The following LOC128706666 variants were observed in gnomAD, a reference collection of about 807,000 sequenced individuals.
the LOC128706666 span, among the ~76,000 whole-genome samples, chr20:10,431,119 C>T: frequency 6.6e-6 from 1 of 152,062 alleles, no homozygotes; most frequent in Non-Finnish European, 1.5e-5. Context: ...TACACGGCAG[C>T]CATTACTTTT....
the LOC128706666 span, among the ~76,000 whole-genome samples, chr20:10,428,665 C>T: frequency 2.0e-5 from 3 of 152,062 alleles, no homozygotes; most frequent in Non-Finnish European, 4.4e-5. Flanking sequence ...ATGGTGAAAC[C>T]CCATTTCTAC....
At chr20:10,422,642 T>C in the LOC128706666 span, among the ~76,000 whole-genome samples, 1 of 152,102 alleles carries the variant, frequency 6.6e-6, no homozygotes, top group African/African-American at 2.4e-5. Flanking sequence ...GTTATTTATA[T>C]CCAGTCTCAA....
the LOC128706666 span, among the ~76,000 whole-genome samples, chr20:10,432,749 G>C: frequency 8.2e-6 from 1 of 122,048 alleles, no homozygotes; most frequent in Admixed American, 1.1e-4. Context: ...AGTGAGCAGA[G>C]ATCCAGCTTC....
At chr20:10,427,362 A>G in the LOC128706666 span, among the ~76,000 whole-genome samples, 1 of 152,194 alleles carries the variant, frequency 6.6e-6, no homozygotes, top group Non-Finnish European at 1.5e-5. Context: ...ATTTGAAAAA[A>G]TTGTAATTTT....
the LOC128706666 span, chr20:10,434,164 G>C: frequency 6.6e-6 from 1 of 152,302 alleles, no homozygotes; most frequent in African/African-American, 2.4e-5. Flanking sequence ...CCCAGAAACA[G>C]ATCTCAAGCA....
At chr20:10,426,955 C>G in the LOC128706666 span, among the ~76,000 whole-genome samples, 1 of 151,206 alleles carries the variant, frequency 6.6e-6, no homozygotes, top group African/African-American at 2.4e-5. Context: ...AGAGGGAGAA[C>G]TTGCTATGCT....
chr20:10,432,776 C>A, the LOC128706666 span, among the ~76,000 whole-genome samples: 1 of 113,940 alleles, frequency 8.8e-6, no homozygotes, highest in Admixed American at 1.2e-4. Context: ...CGCGACAGAG[C>A]GAGACTCTTT....
chr20:10,432,445 A>G, the LOC128706666 span, among the ~76,000 whole-genome samples: 34 of 152,318 alleles, frequency 2.2e-4, no homozygotes, highest in Middle Eastern at 0.014. Context: ...GGGGGATTGC[A>G]TCCAGGACCC....
chr20:10,413,813 T>C, the LOC128706666 span: 1 of 524,640 alleles, frequency 1.9e-6, no homozygotes, highest in Non-Finnish European at 3.4e-6. Flanking sequence ...AAAAGTATGT[T>C]CCAAGATGGA....
the LOC128706666 span, among the ~76,000 whole-genome samples, chr20:10,416,393 C>T: frequency 2.4e-4 from 36 of 152,046 alleles, no homozygotes; most frequent in African/African-American, 8.4e-4. Flanking sequence ...TTATTAAAGA[C>T]TACGTGGGTC....
At chr20:10,426,828 T>C in the LOC128706666 span, among the ~76,000 whole-genome samples, 34 of 151,912 alleles carry the variant, frequency 2.2e-4, no homozygotes, top group Non-Finnish European at 4.7e-4. Context: ...GGCAAAAGAG[T>C]CTATATCCTC....
chr20:10,428,318 C>T, the LOC128706666 span, among the ~76,000 whole-genome samples: 1 of 152,138 alleles, frequency 6.6e-6, no homozygotes, highest in East Asian at 1.9e-4. Context: ...TGTTCCAGAT[C>T]AGATACCTAG....
the LOC128706666 span, chr20:10,413,738 C>G: frequency 1.7e-6 from 1 of 605,454 alleles, no homozygotes; most frequent in Non-Finnish European, 2.9e-6. Flanking sequence ...TTTTACTTCA[C>G]TCTTCAATAC....
At chr20:10,432,788 T>TAAAAA in the LOC128706666 span, among the ~76,000 whole-genome samples, 2 of 16,326 alleles carry the variant, frequency 1.2e-4, no homozygotes, top group Non-Finnish European at 3.9e-4. Context: ...AGACTCTTTG[T>TAAAAA]CAAAAAAAAA....
At chr20:10,433,392 G>A in the LOC128706666 span, among the ~76,000 whole-genome samples, 3 of 152,222 alleles carry the variant, frequency 2.0e-5, no homozygotes, top group African/African-American at 7.2e-5. Flanking sequence ...CCCATCACTA[G>A]AACATGGAGT....
chr20:10,422,768 GTGGTGCGA>G, the LOC128706666 span, among the ~76,000 whole-genome samples: 45 of 150,422 alleles, frequency 3.0e-4, no homozygotes, highest in African/African-American at 1.0e-3. Context: ...CTGTAGTGCA[GTGGTGCGA>G]TCTCAGCTCA....
the LOC128706666 span, among the ~76,000 whole-genome samples, chr20:10,427,029 G>GACACACACACACACACAC: frequency 7.8e-3 from 1,015 of 130,744 alleles, 17 homozygotes; most frequent in Non-Finnish European, 0.011. Flanking sequence ...AGAAAACACT[G>GACACACACACACACACAC]ACACACACAC....
At chr20:10,433,030 T>C in the LOC128706666 span, among the ~76,000 whole-genome samples, 5 of 152,200 alleles carry the variant, frequency 3.3e-5, no homozygotes, top group East Asian at 9.7e-4. Flanking sequence ...TTTTCTTAAA[T>C]AGAGTCTCTG....
At chr20:10,431,169 T>A in the LOC128706666 span, among the ~76,000 whole-genome samples, 3 of 152,176 alleles carry the variant, frequency 2.0e-5, no homozygotes, top group Non-Finnish European at 4.4e-5. Context: ...TATATAAAAA[T>A]AGGCACCCCT....
Sources: allele counts gnomAD v4.1 joint callset (sites outside exome capture counted in the v4.1 genomes callset), GRCh38; gene constraint gnomAD v4.1.1; transcripts MANE v1.5.